CNGA3: variants seen among roughly 807,000 people sequenced by gnomAD.
CNGA3 encodes the protein cyclic nucleotide-gated channel alpha-3.
Under a neutral mutation model 46.6 loss-of-function variants are expected in CNGA3, and 42 were observed. That is an observed-to-expected ratio of 0.90 (90% CI 0.70 to 1.17). The LOEUF (loss-of-function observed/expected upper bound fraction) is 1.17. CNGA3 is among the 50% of genes most tolerant of loss of function. The pLI is 0.00. For synonymous variants in CNGA3, 394 were observed against 369.4 expected, an observed-to-expected ratio of 1.07 and a Z score of -0.76; for missense variants, 893 against 890.7, an observed-to-expected ratio of 1.00 and a Z score of -0.03.
chr2:98,390,823 G>T (rs1432847707), intron 6 of CNGA3, among the ~76,000 whole-genome samples: 1 of 152,206 alleles, frequency 6.6e-6, no homozygotes, highest in Non-Finnish European at 1.5e-5. Flanking sequence ...GTCTTCTGAG[G>T]GTACACGGGA....
At position 98,395,901 on chromosome 2, in the gene CNGA3, A is replaced by G. The variant is rs1326906124; in HGVS notation, c.731A>G (p.Lys244Arg). 3.1e-6 allele frequency: 5 copies of G among 1,614,088 alleles called. No individual in the cohort carries two copies. The highest frequency in any genetic ancestry group is 4.2e-6 in the Non-Finnish European group (5 of 1,180,046). Residue 244 changes from lysine (K) to arginine (R), a missense_variant, in exon 8 of 8, where the codon AAG becomes AGG. Physicochemically the swap from Lys to Arg is conservative, Grantham distance 26. Transcript: ENST00000272602. ...ACCAACAGGCTGTGGCAGCATTACA[A>G]GACGACCACGCAGTTCAAGCTGGAT... ...SDTNRLWQHY[K>R]TTTQFKLDVL...
intron 5 of CNGA3, among the ~76,000 whole-genome samples, chr2:98,383,696 GGA>G (rs1303633614): frequency 6.6e-6 from 1 of 152,122 alleles, no homozygotes; most frequent in Non-Finnish European, 1.5e-5. Flanking sequence ...ATAAAGCAAA[GGA>G]ATTGGATCAG....
intron 1 of CNGA3, among the ~76,000 whole-genome samples, chr2:98,359,373 A>C (rs1380576690): frequency 6.6e-6 from 1 of 152,208 alleles, no homozygotes; most frequent in Non-Finnish European, 1.5e-5. Context: ...ACTGAGGCAA[A>C]GTACATGGGT....
chr2:98,346,822 A>G lies in CNGA3; in HGVS notation c.-38+288A>G, dbSNP rs1267745440. Among the ~76,000 whole-genome samples the G allele has an allele frequency of 2.0e-5, 3 of 152,064 alleles. No individual in the cohort carries two copies. In the South Asian group the frequency reaches 6.2e-4, roughly 32 times the overall value. On this transcript the variant is annotated intron_variant, in intron 1 of 7. Coordinates refer to ENST00000272602, the MANE Select transcript of CNGA3 (RefSeq NM_001298.3). ...CAGGAAGCCCTCCCCGTGCTCCCCA[A>G]GCCGATCGCACCCCCTTTTACTCAC...
chr2:98,390,318 A>ATT (rs139891462), intron 6 of CNGA3, among the ~76,000 whole-genome samples: 7 of 148,044 alleles, frequency 4.7e-5, no homozygotes, highest in Non-Finnish European at 7.5e-5. Context: ...ATATATATGT[A>ATT]TTTTTTTTTT....
chr2:98,396,280 A>G lies in CNGA3; in HGVS notation c.1110A>G (p.Pro370=). The G allele has an allele frequency of 6.2e-7, 1 of 1,608,488 alleles. No homozygotes were observed. Among genetic ancestry groups the G allele is most frequent in the Non-Finnish European group, 8.5e-7 (1 of 1,176,818 alleles). The change falls in exon 8 of 8, where the codon CCA becomes CCG. Residue 370 remains proline (P), a synonymous_variant. Transcript: ENST00000272602. ...TLTLTTIGET[P]PPVKDEEYLF... is the part of the protein sequence containing the mutation. ...CCCTTACCACCATTGGTGAGACCCC[A>G]CCCCCCGTGAAAGATGAGGAGTATC...
At chr2:98,363,262 T>A (rs1692074565) in intron 1 of CNGA3, among the ~76,000 whole-genome samples, 1 of 152,228 alleles carries the variant, frequency 6.6e-6, no homozygotes, top group Non-Finnish European at 1.5e-5. Flanking sequence ...ATTTTCATGA[T>A]AATGATTTTT....
chr2:98,371,588 C>A lies in CNGA3; in HGVS notation c.101+1512C>A, dbSNP rs138074028. Among the ~76,000 whole-genome samples the A allele has an allele frequency of 6.3e-3, 961 of 152,258 alleles. 9 individuals are homozygous for A. The highest frequency in any genetic ancestry group is 0.022 in the African/African-American group (895 of 41,558). Reference sequence around the variant, plus strand: ...CAACCATTTTAACTCGGTGCTGGGGCCCCAGGAAGTGTGATATGGCTTCAG... The same window carrying A: ...CAACCATTTTAACTCGGTGCTGGGGACCCAGGAAGTGTGATATGGCTTCAG... On this transcript the variant is annotated intron_variant, in intron 2 of 7. Transcript: ENST00000272602.
At position 98,353,509 on chromosome 2, in the gene CNGA3, C is replaced by T. The variant is rs187561164; in HGVS notation, c.-38+6975C>T. Among the ~76,000 whole-genome samples the T allele has an allele frequency of 5.3e-5, 8 of 152,304 alleles. No individual in the cohort carries two copies. The East Asian group carries it at 1.5e-3, about 29-fold the overall frequency. Reference sequence around the variant, plus strand: ...GTCAGTGTTGAGTACAGTCATCTCTCAGTATCTGAGGAGCATTTGTTCCAG... The same window carrying T: ...GTCAGTGTTGAGTACAGTCATCTCTTAGTATCTGAGGAGCATTTGTTCCAG... On this transcript the variant is annotated intron_variant, in intron 1 of 7. Coordinates refer to ENST00000272602, the MANE Select transcript of CNGA3 (RefSeq NM_001298.3).
At chr2:98,369,838 C>T (rs1692243684) in intron 1 of CNGA3, 101 bp from the exon 2 acceptor site, 2 of 722,344 alleles carry the variant, frequency 2.8e-6, no homozygotes, top group African/African-American at 3.5e-5. Context: ...CCTGCCAGGG[C>T]TTGCAGGGGG....
intron 1 of CNGA3, 27 bp from the exon 2 acceptor site, chr2:98,369,912 C>T (rs936764693): frequency 1.3e-5 from 18 of 1,405,212 alleles, no homozygotes; most frequent in South Asian, 3.5e-5. Flanking sequence ...GTCCTGATGA[C>T]GTGTCTGCTT....
Position 98,396,187 on chromosome 2 carries a change from C to G in CNGA3, c.1017C>G (p.Asn339Lys), listed in dbSNP as rs772041831. 1 of 1,614,236 alleles carries G rather than the reference C, an allele frequency of 6.2e-7. No individual in the cohort carries two copies. Among genetic ancestry groups the G allele is most frequent in the Non-Finnish European group, 8.5e-7 (1 of 1,180,042 alleles). Residue 339 changes from asparagine (N) to lysine (K), a missense_variant, in exon 8 of 8, where the codon AAC becomes AAG. By Grantham distance (94) the Asn-to-Lys change is moderately conservative (BLOSUM62 0). This residue lies in a region of CNGA3 where 548 missense variants were observed against 570.8 expected (regional missense o/e 0.96). Coordinates refer to ENST00000272602, the MANE Select transcript of CNGA3 (RefSeq NM_001298.3). Reference protein sequence around the residue: ...GFGTDSWVYPNISIPEHGRLS... With the variant: ...GFGTDSWVYPKISIPEHGRLS... ...GGACAGACTCCTGGGTCTACCCAAACATCTCAATCCCAGAGCATGGGCGCC... is the reference window on the plus strand; with the variant it reads ...GGACAGACTCCTGGGTCTACCCAAAGATCTCAATCCCAGAGCATGGGCGCC...
At chr2:98,368,969 G>A (rs1334144150) in intron 1 of CNGA3, among the ~76,000 whole-genome samples, 3 of 152,246 alleles carry the variant, frequency 2.0e-5, no homozygotes, top group Non-Finnish European at 4.4e-5. Context: ...GCTCACAATA[G>A]TGACGTTGCC....
At chr2:98,385,115 G>T (rs2104218250) in intron 5 of CNGA3, among the ~76,000 whole-genome samples, 1 of 152,292 alleles carries the variant, frequency 6.6e-6, no homozygotes, top group East Asian at 1.9e-4. Context: ...CGATGGTGCT[G>T]GGTCTTTCCT....
chr2:98,392,475 G>T (rs1014044482), intron 7 of CNGA3, among the ~76,000 whole-genome samples: 5 of 151,792 alleles, frequency 3.3e-5, no homozygotes, highest in African/African-American at 9.7e-5. Flanking sequence ...CAGGAGAATC[G>T]CTTGAACCCC....
At chr2:98,369,156 C>A (rs1692229569) in intron 1 of CNGA3, among the ~76,000 whole-genome samples, 1 of 152,144 alleles carries the variant, frequency 6.6e-6, no homozygotes, top group Non-Finnish European at 1.5e-5. Flanking sequence ...AAATTCCTTC[C>A]CAAGGCTAGT....
chr2:98,395,826 C>A lies in CNGA3; in HGVS notation c.674-18C>A, dbSNP rs1247634084. On this transcript the variant is annotated intron_variant, in intron 7 of 7. Transcript: ENST00000272602. ...GTCAGCCTCTGTGATGCCCAATGAC[C>A]TCCATCTTCTTCTTTAGGTTTTCTC... is the stretch of plus-strand genomic sequence containing the variant. 6.2e-7 allele frequency: 1 copy of A among 1,612,760 alleles called. No individual in the cohort carries two copies. Among genetic ancestry groups the A allele is most frequent in the African/African-American group, 1.3e-5 (1 of 74,988 alleles).
chr2:98,369,983 A>C lies in CNGA3; in HGVS notation c.8A>C (p.Lys3Thr). 6.2e-7 allele frequency: 1 copy of C among 1,613,854 alleles called. No homozygotes were observed. The highest frequency in any genetic ancestry group is 8.5e-7 in the Non-Finnish European group (1 of 1,179,860). MA[K>T]INTQYSHPSR... Reference sequence around the variant, plus strand: ...ATGTGACAAACCGAGAAGATGGCCAAGATCAACACCCAATACTCCCACCCC... The same window carrying C: ...ATGTGACAAACCGAGAAGATGGCCACGATCAACACCCAATACTCCCACCCC... Residue 3 changes from lysine (K) to threonine (T), a missense_variant, in exon 2 of 8, where the codon AAG (lysine) becomes ACG (threonine). Lys to Thr is a moderately conservative substitution (Grantham distance 78, BLOSUM62 -1). Transcript: ENST00000272602.
chr2:98,366,356 G>A (rs1258185553), intron 1 of CNGA3, among the ~76,000 whole-genome samples: 1 of 152,216 alleles, frequency 6.6e-6, no homozygotes, highest in Non-Finnish European at 1.5e-5. Context: ...CCCCTGTTGA[G>A]GGGTCTCACC....
Sources: gnomAD v4.1 joint callset for allele counts (sites outside exome capture counted in the v4.1 genomes callset) on GRCh38, gnomAD v4.1.1 for gene constraint, gnomAD v4.1.1 regional missense constraint, MANE v1.5 for transcripts, NCBI Gene and HGNC (gene_info 2026-07-23, HGNC 2026-07-21) for gene names.